CFAP92: variants seen among roughly 807,000 people sequenced by gnomAD.
The protein encoded by CFAP92 is uncharacterized protein CFAP92.
CFAP92 carries 86 observed loss-of-function variants against 106.3 expected under a neutral mutation model. The observed-to-expected ratio is 0.81, with a 90% CI of 0.68 to 0.97. CFAP92 has a LOEUF of 0.97. CFAP92 is among the 50% of genes least tolerant of loss of function. The pLI, the probability that CFAP92 is intolerant of heterozygous loss-of-function variation, is 0.00. For synonymous variants in CFAP92, 477 were observed against 506.4 expected, an observed-to-expected ratio of 0.94 and a Z score of 0.78; for missense variants, 1,204 against 1,283.8, an observed-to-expected ratio of 0.94 and a Z score of 0.95.
At chr3:128,922,066 G>A (rs760310274) in intron 12 of CFAP92, among the ~76,000 whole-genome samples, 67 of 152,052 alleles carry the variant, frequency 4.4e-4, no homozygotes, top group Non-Finnish European at 8.4e-4. Flanking sequence ...TTTGCTGGGC[G>A]CGGTGGCTCA....
intron 1 of CFAP92, chr3:129,001,610 C>A: frequency 7.4e-7 from 1 of 1,355,012 alleles, no homozygotes; most frequent in Non-Finnish European, 9.4e-7. Context: ...ACCGGAGGAG[C>A]GAGGCGCGCG....
At chr3:128,979,785 C>T (rs1467021768) in intron 4 of CFAP92, among the ~76,000 whole-genome samples, 2 of 140,484 alleles carry the variant, frequency 1.4e-5, no homozygotes, top group African/African-American at 2.7e-5. Flanking sequence ...CATCACACAC[C>T]GGGGCCTGTT....
the CFAP92 span, among the ~76,000 whole-genome samples, chr3:129,014,579 C>T: frequency 6.6e-6 from 1 of 152,210 alleles, no homozygotes; most frequent in African/African-American, 2.4e-5. The surrounding 1 kb of genome is among the most constrained non-coding windows in gnomAD (Gnocchi z 4.3). Flanking sequence ...TTAAAGGTCC[C>T]ATCGCCAAAT....
chr3:128,955,047 T>A (rs1336178626), intron 9 of CFAP92, among the ~76,000 whole-genome samples: 1 of 9,202 alleles, frequency 1.1e-4, no homozygotes. Context: ...TACTGGGAAG[T>A]GAGGAGCCCC....
chr3:128,920,537 A>T (rs1937185244), intron 12 of CFAP92, among the ~76,000 whole-genome samples: 2 of 152,232 alleles, frequency 1.3e-5, no homozygotes, highest in South Asian at 4.1e-4. Context: ...GTTACAATCC[A>T]GTGGATGGGT....
At chr3:128,924,618 A>ATT (rs35609680) in intron 12 of CFAP92, among the ~76,000 whole-genome samples, 37 of 148,440 alleles carry the variant, frequency 2.5e-4, no homozygotes, top group Middle Eastern at 3.5e-3. Flanking sequence ...CTCATTTTGT[A>ATT]TTTTTTTTAG....
rs1380975998 is a variant in CFAP92, at chr3:128,945,753, C to T, written c.1576G>A (p.Val526Met). Residue 526 changes from valine (V) to methionine (M), a missense_variant, in exon 10 of 16, where the codon GTG becomes ATG. By Grantham distance (21) the Val-to-Met change is conservative. Coordinates refer to ENST00000645291, the MANE Select transcript of CFAP92 (RefSeq NM_001394090.1). ...TCCAGAGGGTCCTCCCCAAACAGCACGGGCTTCTGAGAACACTCCTCTGAC... is the reference window on the plus strand; with the variant it reads ...TCCAGAGGGTCCTCCCCAAACAGCATGGGCTTCTGAGAACACTCCTCTGAC... ...RKSEECSQKP[V>M]LFGEDPLDSY... is the part of the protein sequence containing the mutation. 11 of 1,535,180 alleles carry T rather than the reference C, an allele frequency of 7.2e-6. No individual in the cohort carries two copies. The highest frequency in any genetic ancestry group is 2.0e-5 in the Admixed American group (1 of 50,882).
intron 9 of CFAP92, among the ~76,000 whole-genome samples, chr3:128,947,243 G>T (rs1940316651): frequency 6.6e-6 from 1 of 150,590 alleles, no homozygotes; most frequent in African/African-American, 2.5e-5. Flanking sequence ...AAAAAAAAAA[G>T]ATGTAAATAA....
the CFAP92 span, among the ~76,000 whole-genome samples, chr3:129,014,741 C>T: frequency 6.6e-6 from 1 of 152,250 alleles, no homozygotes; most frequent in African/African-American, 2.4e-5. The surrounding 1 kb of genome is among the most constrained non-coding windows in gnomAD (Gnocchi z 4.3). Context: ...TGATCCAGGG[C>T]GGAGGTGACT....
intron 4 of CFAP92, among the ~76,000 whole-genome samples, chr3:128,978,543 T>C (rs1164369810): frequency 6.6e-6 from 1 of 152,152 alleles, no homozygotes; most frequent in Non-Finnish European, 1.5e-5. Flanking sequence ...CAGGGAGCTG[T>C]GACTGCACCA....
At chr3:128,981,100 G>A (rs1219966227) in intron 4 of CFAP92, among the ~76,000 whole-genome samples, 4 of 147,118 alleles carry the variant, frequency 2.7e-5, no homozygotes, top group Non-Finnish European at 6.0e-5. Flanking sequence ...GCAGTGGTGC[G>A]ATCTCGGCTC....
intron 9 of CFAP92, among the ~76,000 whole-genome samples, chr3:128,962,571 T>C (rs1187818200): frequency 6.6e-6 from 1 of 152,090 alleles, no homozygotes; most frequent in African/African-American, 2.4e-5. Flanking sequence ...GTCCTCCTCT[T>C]GTATTCCCCC....
upstream of CFAP92, chr3:129,003,894 C>T (rs955110100): frequency 3.1e-5 from 43 of 1,375,074 alleles, no homozygotes; most frequent in Non-Finnish European, 3.8e-5. Context: ...GCCCTGGCTG[C>T]GGCGGAGGCC....
chr3:128,963,615 C>CATTTCCCCAT lies in CFAP92; in HGVS notation c.1353+1886_1353+1895dup, dbSNP rs1175137431. Reference sequence around the variant, plus strand: ...TCTCTGATCCACCTGATATTCACCCCATTTCCCCATATTTCCTTCTTTCCT... The same window carrying CATTTCCCCAT: ...TCTCTGATCCACCTGATATTCACCCCATTTCCCCATATTTCCCCATATTTCCTTCTTTCCT... On this transcript the variant is annotated intron_variant, in intron 9 of 15. Transcript: ENST00000645291. 2.0e-5 allele frequency among the ~76,000 whole-genome samples: 3 copies of CATTTCCCCAT among 151,246 alleles called. No individual in the cohort carries two copies. In the East Asian group the frequency reaches 5.8e-4, roughly 29 times the overall value.
chr3:128,991,682 C>T (rs1944225690), intron 2 of CFAP92: 4 of 801,894 alleles, frequency 5.0e-6, no homozygotes, highest in Non-Finnish European at 4.6e-6. Flanking sequence ...TTTTAGGCCT[C>T]AGCCGGCCTG....
intron 12 of CFAP92, among the ~76,000 whole-genome samples, chr3:128,930,619 T>TCCCA (rs1938253995): frequency 6.6e-6 from 1 of 151,856 alleles, no homozygotes; most frequent in African/African-American, 2.4e-5. Flanking sequence ...GGCATGGTGG[T>TCCCA]GTGTGCCTGT....
the CFAP92 span, among the ~76,000 whole-genome samples, chr3:129,023,179 G>T: frequency 1.3e-5 from 2 of 152,230 alleles, no homozygotes; most frequent in Non-Finnish European, 2.9e-5. Context: ...GCAGAGGTTT[G>T]GGGAGCTCAG....
intron 4 of CFAP92, 145 bp from the exon 5 acceptor site, chr3:128,978,330 T>A (rs1329513222): frequency 2.7e-6 from 2 of 754,716 alleles, no homozygotes; most frequent in Non-Finnish European, 4.2e-6. Flanking sequence ...GAGTCATACA[T>A]TATCTTCCCA....
intron 12 of CFAP92, among the ~76,000 whole-genome samples, chr3:128,923,355 G>A (rs1047605295): frequency 6.6e-6 from 1 of 152,184 alleles, no homozygotes; most frequent in Non-Finnish European, 1.5e-5. Flanking sequence ...AAACCACACA[G>A]GAAGCTGAGA....
Sources: gnomAD v4.1 joint callset for allele counts (sites outside exome capture counted in the v4.1 genomes callset) on GRCh38, gnomAD v4.1.1 for gene constraint, Gnocchi (gnomAD v3.1) non-coding constraint, MANE v1.5 for transcripts, NCBI Gene and HGNC (gene_info 2026-07-23, HGNC 2026-07-21) for gene names.